Variants in CCM2L observed in about 807,000 individuals in gnomAD.
CCM2L encodes the protein CCM2 like scaffold protein, also known as cerebral cavernous malformations 2 protein-like.
Under a neutral mutation model 54.1 loss-of-function variants are expected in CCM2L, and 36 were observed. That is an observed-to-expected ratio of 0.67 (90% CI 0.51 to 0.88). The LOEUF is 0.88. Ranked by LOEUF, CCM2L falls within the 40% of genes least tolerant of loss-of-function variation. CCM2L has a pLI of 0.00. For synonymous variants in CCM2L, 351 were observed against 359.3 expected, an observed-to-expected ratio of 0.98 and a Z score of 0.26; for missense variants, 700 against 812.1, an observed-to-expected ratio of 0.86 and a Z score of 1.68.
chr20:32,010,554 G>T, intron 1 of CCM2L, 70 bp downstream of exon 1: 1 of 1,148,386 alleles, frequency 8.7e-7, no homozygotes. Flanking sequence ...GCAAACTGGG[G>T]CGGGGTGGGG....
chr20:32,026,145 T>C (rs1039428529), intron 7 of CCM2L, among the ~76,000 whole-genome samples: 3 of 152,180 alleles, frequency 2.0e-5, no homozygotes, highest in African/African-American at 4.8e-5. Context: ...CACAGTCCTG[T>C]GGTTCTCTCC....
chr20:32,024,655 C>T (rs890537719), intron 6 of CCM2L, among the ~76,000 whole-genome samples: 1 of 152,154 alleles, frequency 6.6e-6, no homozygotes, highest in Non-Finnish European at 1.5e-5. Context: ...GGTGAAAACC[C>T]ATCTCTACTA....
intron 5 of CCM2L, among the ~76,000 whole-genome samples, chr20:32,020,451 C>T (rs1482296614): frequency 6.6e-6 from 1 of 152,178 alleles, no homozygotes; most frequent in Non-Finnish European, 1.5e-5. Flanking sequence ...TCCATCTATC[C>T]TTCATCTACC....
Position 32,031,382 on chromosome 20 carries a change from T to G in CCM2L, c.*68T>G. The G allele has an allele frequency of 5.1e-6, 6 of 1,169,298 alleles. No individual in the cohort carries two copies. The highest frequency in any genetic ancestry group is 5.5e-6 in the Non-Finnish European group (5 of 917,392). 72.4% of individuals were successfully genotyped at this position (1,169,298 alleles called of 1,614,324 possible). On this transcript the variant is annotated 3_prime_UTR_variant, in exon 10 of 10. Transcript: ENST00000452892. ...AGTCTCAGCTTTGCTTCGGGGACCCTATCCCCAGGGCCCCCCCATCACACC... is the reference window on the plus strand; with the variant it reads ...AGTCTCAGCTTTGCTTCGGGGACCCGATCCCCAGGGCCCCCCCATCACACC...
Position 32,016,652 on chromosome 20 carries a change from G to T in CCM2L, c.199-1148G>T, listed in dbSNP as rs191489721. ...GCCCGGGCGACAGTGCGAGACTCCA[G>T]CCCCCCCACGCCCGCCAAAAATTGT... On this transcript the variant is annotated intron_variant, in intron 2 of 9. Transcript: ENST00000452892. Among the ~76,000 whole-genome samples, 1,135 of 151,994 alleles carry T rather than the reference G, an allele frequency of 7.5e-3. 3 individuals are homozygous for T. Among genetic ancestry groups the T allele is most frequent in the Middle Eastern group, 0.024 (7 of 294 alleles).
chr20:32,031,221 C>T lies in CCM2L; in HGVS notation c.1623C>T (p.Ile541=). The change falls in exon 10 of 10, where the codon ATC becomes ATT. Residue 541 remains isoleucine, a synonymous_variant. Coordinates refer to ENST00000452892, the MANE Select transcript of CCM2L (RefSeq NM_001365692.1). ...TGCTGGCTGACATCACGCACGACAT[C>T]GAGGCGCTGGCCCCCGATGACGACG... is the stretch of plus-strand genomic sequence containing the variant. ...HRLLADITHD[I]EALAPDDDDD... is the part of the protein sequence containing the mutation. 1 of 1,300,462 alleles carries T rather than the reference C, an allele frequency of 7.7e-7. No individual in the cohort carries two copies. The highest frequency in any genetic ancestry group is 1.2e-5 in the South Asian group (1 of 80,976). 80.6% of individuals were successfully genotyped at this position (1,300,462 alleles called of 1,614,324 possible).
In CCM2L at chr20:32,028,724, C is replaced by A. The variant is rs115918984; in HGVS notation, c.1134-271C>A. On this transcript the variant is annotated intron_variant, in intron 7 of 9. Transcript: ENST00000452892. ...TGTGCAAAAGGGAGGGGAAAGGAGG[C>A]AATCCAGGCAGAGGGACCAGCAGGT... The A allele has an allele frequency of 1.0e-3, 464 of 463,184 alleles. 1 individual carries two copies. The highest frequency in any genetic ancestry group is 8.9e-3 in the African/African-American group (445 of 49,750). The allele number at this position is 463,184 out of a possible 1,614,324, so 28.7% of individuals were successfully genotyped here. A position where few individuals can be genotyped will look rare whatever the true frequency, so the allele number is the denominator to read the frequency against.
chr20:32,013,696 T>C (rs552086053), intron 1 of CCM2L, among the ~76,000 whole-genome samples: 3 of 152,094 alleles, frequency 2.0e-5, no homozygotes, highest in African/African-American at 7.2e-5. Context: ...GCTCTCCTCC[T>C]GCCTCAGCCT....
chr20:32,022,640 T>TCTC lies in CCM2L; in HGVS notation c.934-12_934-10dup. 1 of 1,613,160 alleles carries TCTC rather than the reference T, an allele frequency of 6.2e-7. No homozygotes were observed. Among genetic ancestry groups the TCTC allele is most frequent in the Non-Finnish European group, 8.5e-7 (1 of 1,179,496 alleles). ...GTCATTGGTGAGGACCTGAGCTCTC[T>TCTC]CTCCTCCTCCCTGGGCCAGGACGCT... is the stretch of plus-strand genomic sequence containing the variant. On this transcript the variant is annotated intron_variant, in intron 5 of 9. Transcript: ENST00000452892.
intron 7 of CCM2L, chr20:32,028,792 A>AG: frequency 1.8e-6 from 1 of 561,800 alleles, no homozygotes; most frequent in South Asian, 2.1e-5. Context: ...AAGAAGGAGA[A>AG]GGGGGGTGGG....
At chr20:32,029,909 C>G (rs2064905113) in intron 9 of CCM2L, 71 bp downstream of exon 9, 2 of 1,442,640 alleles carry the variant, frequency 1.4e-6, no homozygotes, top group Admixed American at 2.5e-5. Flanking sequence ...AGTCAGGCAC[C>G]AGGCTGCAAA....
intron 6 of CCM2L, among the ~76,000 whole-genome samples, chr20:32,025,140 TCCTTCC>T (rs770742095): frequency 1.7e-4 from 26 of 151,592 alleles, no homozygotes; most frequent in Non-Finnish European, 4.4e-5. Context: ...TCTTTTCTTT[TCCTTCC>T]CCTTCCCCTT....
chr20:32,012,122 T>C (rs2064700583), intron 1 of CCM2L, among the ~76,000 whole-genome samples: 1 of 151,960 alleles, frequency 6.6e-6, no homozygotes, highest in African/African-American at 2.4e-5. Context: ...TTAAAGTTGC[T>C]ACATACCCCA....
intron 7 of CCM2L, 88 bp from the exon 8 acceptor site, chr20:32,028,907 G>C: frequency 6.4e-7 from 1 of 1,559,080 alleles, no homozygotes; most frequent in Non-Finnish European, 8.7e-7. Context: ...CCAGCATGCA[G>C]TCTAGGATGA....
chr20:32,022,607 A>G, intron 5 of CCM2L, 53 bp from the exon 6 acceptor site: 1 of 1,601,342 alleles, frequency 6.2e-7, no homozygotes, highest in Non-Finnish European at 8.5e-7. Flanking sequence ...AAGCAGGGTA[A>G]CATCTTGGTC....
At chr20:32,029,365 A>C (rs906279149) in intron 8 of CCM2L, among the ~76,000 whole-genome samples, 4 of 152,172 alleles carry the variant, frequency 2.6e-5, no homozygotes, top group Admixed American at 2.6e-4. Flanking sequence ...TTCATGCATT[A>C]TTTCTTTTAA....
Position 32,015,016 on chromosome 20 carries a change from A to G in CCM2L, c.143A>G (p.Asp48Gly). Residue 48 changes from aspartate to glycine, a missense_variant, in exon 2 of 10, where the codon GAC becomes GGC. By Grantham distance (94) the Asp-to-Gly change is moderately conservative. Transcript: ENST00000452892. ...PLHSMPLYPP[D>G]YLIDPQILLC... ...CACTCGATGCCCCTTTATCCCCCCGACTACCTCATCGACCCCCAGATTCTG... is the reference window on the plus strand; with the variant it reads ...CACTCGATGCCCCTTTATCCCCCCGGCTACCTCATCGACCCCCAGATTCTG... The G allele has an allele frequency of 6.4e-7, 1 of 1,569,402 alleles. No homozygotes were observed. Among genetic ancestry groups the G allele is most frequent in the South Asian group, 1.2e-5 (1 of 86,390 alleles).
chr20:32,012,394 T>C (rs890324455), intron 1 of CCM2L, among the ~76,000 whole-genome samples: 5 of 152,042 alleles, frequency 3.3e-5, no homozygotes, highest in African/African-American at 9.7e-5. Flanking sequence ...CCCATCTCTT[T>C]AAAAAATATA....
chr20:32,015,213 T>C, intron 2 of CCM2L, 142 bp downstream of exon 2: 1 of 794,772 alleles, frequency 1.3e-6, no homozygotes, highest in East Asian at 3.3e-5. Context: ...ATGTCAGCCT[T>C]GCCCCCACCT....
Sources: gnomAD v4.1 joint callset for allele counts (sites outside exome capture counted in the v4.1 genomes callset) on GRCh38, gnomAD v4.1.1 for gene constraint, MANE v1.5 for transcripts, NCBI Gene and HGNC (gene_info 2026-07-23, HGNC 2026-07-21) for gene names.